SPINT1: variants seen among roughly 807,000 people sequenced by gnomAD.
SPINT1 encodes the protein kunitz-type protease inhibitor 1.
A neutral mutation model predicts 53.7 loss-of-function variants in SPINT1; 38 were observed. That is an observed-to-expected ratio of 0.71 (90% CI 0.55 to 0.93). The LOEUF is 0.93. Among genes scored for constraint, SPINT1 ranks in the 40% least tolerant of loss-of-function variants. SPINT1 has a pLI of 0.00. For synonymous variants in SPINT1, 283 were observed against 280.6 expected (o/e 1.01, Z -0.08); for missense variants, 645 against 692.9 (o/e 0.93, Z 0.78).
rs1891631195 is a variant in SPINT1 at position 40,856,066 on chromosome 15, A to G, written c.1288+4A>G. On this transcript the variant is annotated splice_donor_region_variant and intron_variant, in intron 9 of 10. Transcript: ENST00000562057. ...GAGTCTTGTCGCGGCATCTCCAGTG[A>G]GTGGGCCAGTGAGAGGGTGGGCATG... 6.2e-7 allele frequency: 1 copy of G among 1,613,618 alleles called. No individual in the cohort carries two copies. Among genetic ancestry groups the G allele is most frequent in the Non-Finnish European group, 8.5e-7 (1 of 1,179,858 alleles).
intron 2 of SPINT1, among the ~76,000 whole-genome samples, chr15:40,849,498 T>C (rs1173689524): frequency 6.6e-6 from 1 of 152,206 alleles, no homozygotes; most frequent in East Asian, 1.9e-4. Context: ...TGCCTCAGCT[T>C]CCCAAAGTGT....
At chr15:40,854,267 G>A (rs557005190) in intron 6 of SPINT1, 130 bp from the exon 7 acceptor site, 253 of 1,431,474 alleles carry the variant, frequency 1.8e-4, no homozygotes, top group East Asian at 3.2e-4. Context: ...CCCAGTTTGC[G>A]TGGGGCAGGA....
At position 40,844,757 on chromosome 15, in the gene SPINT1, C is replaced by G; in HGVS notation, c.203C>G (p.Ser68Trp). The G allele has an allele frequency of 1.2e-6, 2 of 1,611,178 alleles. No individual in the cohort carries two copies. Among genetic ancestry groups the G allele is most frequent in the Non-Finnish European group, 1.7e-6 (2 of 1,178,378 alleles). The change falls in exon 2 of 11, where the codon TCG (serine) becomes TGG (tryptophan). Residue 68 changes from serine (S) to tryptophan (W), a missense_variant. Physicochemically the swap from Ser to Trp is radical, Grantham distance 177 (BLOSUM62 -3). Transcript: ENST00000562057. This position sits in a 1 kb window ranked among gnomAD's most constrained non-coding sequence, Gnocchi z 5.8. ...VPGFVLDTNASVSNGATFLES... is the reference protein window; with the variant it reads ...VPGFVLDTNAWVSNGATFLES... ...GGCTTCGTGCTGGACACCAACGCCTCGGTCAGCAACGGAGCTACCTTCCTG... is the reference window on the plus strand; with the variant it reads ...GGCTTCGTGCTGGACACCAACGCCTGGGTCAGCAACGGAGCTACCTTCCTG...
In SPINT1 at chr15:40,853,164, G is replaced by C. The variant is rs368407939; in HGVS notation, c.516G>C (p.Lys172Asn). The C allele has an allele frequency of 3.7e-6, 6 of 1,614,166 alleles. No individual in the cohort carries two copies. Among genetic ancestry groups the C allele is most frequent in the Non-Finnish European group, 5.1e-6 (6 of 1,180,008 alleles). ...AGGCCTGGGCAGGCATAGACTTGAA[G>C]GTACAACCCCAGGAACCCCTGGTGC... ...IPKAWAGIDL[K>N]VQPQEPLVLK... The change falls in exon 3 of 11, where the codon AAG (lysine) becomes AAC (asparagine). Residue 172 changes from lysine (K) to asparagine (N), a missense_variant. Coordinates refer to ENST00000562057, the MANE Select transcript of SPINT1 (RefSeq NM_003710.4).
intron 5 of SPINT1, 25 bp from the exon 6 acceptor site, chr15:40,854,033 CCT>C (rs747311049): frequency 2.6e-6 from 4 of 1,568,572 alleles, no homozygotes; most frequent in African/African-American, 1.4e-5. Context: ...GGTCATGCCT[CCT>C]CTCATTCTCT....
Position 40,844,678 on chromosome 15 carries a change from C to A in SPINT1, c.124C>A (p.Pro42Thr). Reference protein sequence around the residue: ...GTQAGPPPAPPGLPAGADCLN... With the variant: ...GTQAGPPPAPTGLPAGADCLN... ...CCAGGCCGGGCCACCGCCCGCGCCCCCTGGGCTGCCCGCGGGAGCCGACTG... is the reference window on the plus strand; with the variant it reads ...CCAGGCCGGGCCACCGCCCGCGCCCACTGGGCTGCCCGCGGGAGCCGACTG... The change falls in exon 2 of 11, where the codon CCT (proline) becomes ACT (threonine). Residue 42 changes from proline (P) to threonine (T), a missense_variant. Pro to Thr is a conservative substitution (Grantham distance 38). Transcript: ENST00000562057. This position sits in a 1 kb window ranked among gnomAD's most constrained non-coding sequence, Gnocchi z 5.8. 6.2e-7 allele frequency: 1 copy of A among 1,606,452 alleles called. No individual in the cohort carries two copies. The highest frequency in any genetic ancestry group is 8.5e-7 in the Non-Finnish European group (1 of 1,176,646).
chr15:40,854,330 C>T, intron 6 of SPINT1, 67 bp from the exon 7 acceptor site: 1 of 1,509,842 alleles, frequency 6.6e-7, no homozygotes. Context: ...GCAGAGAGGG[C>T]CAAGTAGAAG....
chr15:40,848,573 C>A (rs1231704183), intron 2 of SPINT1, among the ~76,000 whole-genome samples: 3 of 152,062 alleles, frequency 2.0e-5, no homozygotes, highest in Admixed American at 6.6e-5. Context: ...ATAATAAACC[C>A]TAAGGTAGCA....
Position 40,854,474 on chromosome 15 carries a change from G to A in SPINT1, c.1018G>A (p.Asp340Asn), listed in dbSNP as rs149291015. The A allele has an allele frequency of 1.7e-5, 28 of 1,613,314 alleles. No individual in the cohort carries two copies. The highest frequency in any genetic ancestry group is 8.9e-5 in the East Asian group (4 of 44,886). The part of the protein sequence containing the change: ...CCIDSFLECD[D>N]TPNCPDASDE... ...CATCGACAGTTTCCTGGAGTGTGAC[G>A]ACACCCCCAACTGCCCCGACGCCTC... Residue 340 changes from aspartate to asparagine, a missense_variant, in exon 7 of 11, where the codon GAC becomes AAC. Physicochemically the swap from Asp to Asn is conservative, Grantham distance 23. Transcript: ENST00000562057.
chr15:40,844,559 C>A lies in SPINT1; in HGVS notation c.5C>A (p.Ala2Asp). Residue 2 changes from alanine to aspartate, a missense_variant, in exon 2 of 11, where the codon GCC (alanine) becomes GAC (aspartate). Ala to Asp is a moderately radical substitution (Grantham distance 126, BLOSUM62 -2). Transcript: ENST00000562057. This position sits in a 1 kb window ranked among gnomAD's most constrained non-coding sequence, Gnocchi z 5.8. M[A>D]PARTMARARL... ...ACCCCCCTGGGGAGGAAGGCGATGGCCCCTGCGAGGACGATGGCCCGCGCC... is the reference window on the plus strand; with the variant it reads ...ACCCCCCTGGGGAGGAAGGCGATGGACCCTGCGAGGACGATGGCCCGCGCC... 1.2e-6 allele frequency: 2 copies of A among 1,610,446 alleles called. No homozygotes were observed. The highest frequency in any genetic ancestry group is 1.7e-6 in the Non-Finnish European group (2 of 1,179,146).
At position 40,857,078 on chromosome 15, in the gene SPINT1, G is replaced by C. The variant is rs910601941; in HGVS notation, c.*103G>C. 3.1e-5 allele frequency: 45 copies of C among 1,445,700 alleles called. No homozygotes were observed. Among genetic ancestry groups the C allele is most frequent in the Non-Finnish European group, 4.2e-5 (45 of 1,068,436 alleles). The allele number at this position is 1,445,700 out of a possible 1,614,324, so 89.6% of individuals were successfully genotyped here. On this transcript the variant is annotated 3_prime_UTR_variant, in exon 11 of 11. Coordinates refer to ENST00000562057, the MANE Select transcript of SPINT1 (RefSeq NM_003710.4). Reference sequence around the variant, plus strand: ...AACCAGACTCTTGCCTGTTTCCCAGGCCCACTGTGCCTCAGAGACCAGGGC... The same window carrying C: ...AACCAGACTCTTGCCTGTTTCCCAGCCCCACTGTGCCTCAGAGACCAGGGC...
rs1045642510 is a variant in SPINT1, at chr15:40,844,393, C to G, written c.-65-97C>G. 3.8e-6 allele frequency: 3 copies of G among 796,654 alleles called. No homozygotes were observed. In the African/African-American group the frequency reaches 5.2e-5, roughly 14 times the overall value. The allele number at this position is 796,654 out of a possible 1,614,324, so 49.3% of individuals were successfully genotyped here. A position where few individuals can be genotyped will look rare whatever the true frequency, so the allele number is the denominator to read the frequency against. On this transcript the variant is annotated intron_variant, in intron 1 of 10. Transcript: ENST00000562057. The surrounding 1 kb of genome is among the most constrained non-coding windows in gnomAD (Gnocchi z 5.8). ...CTTCGATCCTGGGGTGCTCCGGTCC[C>G]TCCTCCCCGCCACTTCCTCCCGGCC...
Position 40,844,658 on chromosome 15 carries a change from C to A in SPINT1, c.104C>A (p.Ala35Asp). 6.2e-7 allele frequency: 1 copy of A among 1,604,648 alleles called. No homozygotes were observed. Among genetic ancestry groups the A allele is most frequent in the Non-Finnish European group, 8.5e-7 (1 of 1,175,894 alleles). The change falls in exon 2 of 11, where the codon GCC becomes GAC. Residue 35 changes from alanine (A) to aspartate (D), a missense_variant. By Grantham distance (126) the Ala-to-Asp change is moderately radical. Transcript: ENST00000562057. The surrounding 1 kb of genome is among the most constrained non-coding windows in gnomAD (Gnocchi z 5.8). ...LCTLGLQGTQ[A>D]GPPPAPPGLP... The stretch of plus-strand genomic sequence containing the variant: ...ACGCTCGGCCTCCAGGGCACCCAGG[C>A]CGGGCCACCGCCCGCGCCCCCTGGG...
rs892255997 is a variant in SPINT1 at position 40,854,705 on chromosome 15, G to T, written c.1117+16G>T. The stretch of plus-strand genomic sequence containing the variant: ...AGTGACAAAGGTGAGATCCTCCCCA[G>T]GTGCCCTGGATCAGGGCAGACGCTG... On this transcript the variant is annotated intron_variant, in intron 8 of 10. Transcript: ENST00000562057. 1 of 1,613,958 alleles carries T rather than the reference G, an allele frequency of 6.2e-7. No homozygotes were observed. The highest frequency in any genetic ancestry group is 2.2e-5 in the East Asian group (1 of 44,878).
intron 6 of SPINT1, 92 bp from the exon 7 acceptor site, chr15:40,854,305 A>T: frequency 2.0e-6 from 3 of 1,495,030 alleles, no homozygotes; most frequent in Non-Finnish European, 2.7e-6. Context: ...GGAATGGGGG[A>T]TGTGCTGTGT....
chr15:40,844,250 C>T lies in SPINT1; in HGVS notation c.-66+64C>T. Reference sequence around the variant, plus strand: ...GGAGCGGGCTGGAGCATGTCCGGCCCTTTGTTCTGCGCTCGTGCGTGTGTC... The same window carrying T: ...GGAGCGGGCTGGAGCATGTCCGGCCTTTTGTTCTGCGCTCGTGCGTGTGTC... On this transcript the variant is annotated intron_variant, in intron 1 of 10. Transcript: ENST00000562057. The surrounding 1 kb of genome is among the most constrained non-coding windows in gnomAD (Gnocchi z 5.8). 4.0e-6 allele frequency: 2 copies of T among 499,636 alleles called. No homozygotes were observed. The highest frequency in any genetic ancestry group is 7.2e-6 in the Non-Finnish European group (2 of 276,586). The allele number at this position is 499,636 out of a possible 1,614,324, so 31.0% of individuals were successfully genotyped here. A position where few individuals can be genotyped will look rare whatever the true frequency, so the allele number is the denominator to read the frequency against.
At chr15:40,852,447 C>T (rs1235122870) in intron 2 of SPINT1, among the ~76,000 whole-genome samples, 1 of 152,148 alleles carries the variant, frequency 6.6e-6, no homozygotes. Context: ...GGCAGCGATC[C>T]TGCACTGTGC....
intron 5 of SPINT1, 77 bp from the exon 6 acceptor site, chr15:40,853,983 T>G: frequency 9.4e-7 from 1 of 1,058,826 alleles, no homozygotes; most frequent in Non-Finnish European, 1.4e-6. Flanking sequence ...GAGCTCTCCC[T>G]TGCCCACCCA....
rs34480117 is a variant in SPINT1 at position 40,845,318 on chromosome 15, A to ATTTTT, written c.475+316_475+320dup. Among the ~76,000 whole-genome samples, 192 of 58,190 alleles carry ATTTTT rather than the reference A, an allele frequency of 3.3e-3. 18 individuals are homozygous for ATTTTT. The highest frequency in any genetic ancestry group is 4.9e-3 in the Non-Finnish European group (159 of 32,720). 38.2% of individuals were successfully genotyped at this position (58,190 alleles called of 152,430 possible). A position where few individuals can be genotyped will look rare whatever the true frequency, so the allele number is the denominator to read the frequency against. On this transcript the variant is annotated intron_variant, in intron 2 of 10. Transcript: ENST00000562057. ...AGGCACCCGCTACCAGACCCGGCTA[A>ATTTTT]TTTTTTTTTTTTTTTTTTTTTTTTT... is the stretch of plus-strand genomic sequence containing the variant.
Sources: gnomAD v4.1 joint callset for allele counts (sites outside exome capture counted in the v4.1 genomes callset) on GRCh38, gnomAD v4.1.1 for gene constraint, Gnocchi (gnomAD v3.1) non-coding constraint, MANE v1.5 for transcripts, NCBI Gene and HGNC (gene_info 2026-07-23, HGNC 2026-07-21) for gene names.